Variants in CNTN5 observed in about 807,000 individuals in gnomAD.
CNTN5 encodes the protein contactin 5.
CNTN5 carries 77 observed loss-of-function variants against 129.1 expected under a neutral mutation model. The ratio of observed to expected loss-of-function variants is 0.60; its 90% CI spans 0.50 to 0.72. The LOEUF is 0.72. Among genes scored for constraint, CNTN5 ranks in the 30% least tolerant of loss-of-function variants. The pLI, the probability that CNTN5 is intolerant of heterozygous loss-of-function variation, is 0.00. For synonymous variants in CNTN5, 509 were observed against 465.6 expected, an observed-to-expected ratio of 1.09 and a Z score of -1.20; for missense variants, 1,478 against 1,328.8, an observed-to-expected ratio of 1.11 and a Z score of -1.75.
chr11:100,269,228 T>C (rs1950364159), intron 17 of CNTN5, among the ~76,000 whole-genome samples: 1 of 152,122 alleles, frequency 6.6e-6, no homozygotes, highest in South Asian at 2.1e-4. Flanking sequence ...GATCTGGCCT[T>C]AAGGTTTCAG....
chr11:99,890,134 A>C (rs1473626929), intron 6 of CNTN5, among the ~76,000 whole-genome samples: 1 of 152,194 alleles, frequency 6.6e-6, no homozygotes, highest in South Asian at 2.1e-4. Context: ...TATATTTGAC[A>C]TGAAGAATTG....
intron 3 of CNTN5, among the ~76,000 whole-genome samples, chr11:99,632,278 GTTCA>G (rs1488562472): frequency 6.6e-6 from 1 of 152,060 alleles, no homozygotes; most frequent in African/African-American, 2.4e-5. Context: ...TACTGTAAAT[GTTCA>G]TAGTAATTAT....
intron 2 of CNTN5, among the ~76,000 whole-genome samples, chr11:99,346,041 T>G (rs942539427): frequency 1.4e-4 from 21 of 152,204 alleles, no homozygotes; most frequent in African/African-American, 4.6e-4. Flanking sequence ...ACATAATACT[T>G]TTTAAAGCTT....
chr11:99,731,082 A>G (rs1943515732), intron 3 of CNTN5, among the ~76,000 whole-genome samples: 2 of 152,088 alleles, frequency 1.3e-5, no homozygotes, highest in South Asian at 2.1e-4. Context: ...GGGGACAAGC[A>G]GCTATATAAC....
At position 99,082,426 on chromosome 11, in the gene CNTN5, G is replaced by A. The variant is rs575667911; in HGVS notation, c.-210+61156G>A. On this transcript the variant is annotated intron_variant, in intron 1 of 24. Transcript: ENST00000524871. ...TCTCGATCTCTTGACCTCGTGATCC[G>A]CCCGCCTCGGCCCTCCAAAGTGCTG... Among the ~76,000 whole-genome samples the A allele has an allele frequency of 7.2e-5, 11 of 152,084 alleles. No homozygotes were observed. The East Asian group carries it at 7.8e-4, about 11-fold the overall frequency.
chr11:99,313,534 T>C (rs1357115531), intron 1 of CNTN5, among the ~76,000 whole-genome samples: 2 of 152,016 alleles, frequency 1.3e-5, no homozygotes, highest in Non-Finnish European at 2.9e-5. Context: ...GAAAATTATT[T>C]ACTTATGGTT....
At chr11:99,859,720 T>A (rs1222085454) in intron 6 of CNTN5, among the ~76,000 whole-genome samples, 1 of 152,220 alleles carries the variant, frequency 6.6e-6, no homozygotes, top group Admixed American at 6.5e-5. Flanking sequence ...ATAGTATATG[T>A]GTACCATATT....
chr11:100,108,943 C>T (rs946242173), intron 13 of CNTN5, among the ~76,000 whole-genome samples: 7 of 151,926 alleles, frequency 4.6e-5, no homozygotes, highest in African/African-American at 1.5e-4. Flanking sequence ...AGAGCTGGCT[C>T]TAGAAAAAAT....
At chr11:100,005,374 A>G (rs948057940) in intron 9 of CNTN5, among the ~76,000 whole-genome samples, 8 of 151,946 alleles carry the variant, frequency 5.3e-5, no homozygotes, top group African/African-American at 1.9e-4. Flanking sequence ...ACCTTTTCCT[A>G]CCTATTCTTG....
chr11:100,001,640 T>A (rs963203763), intron 8 of CNTN5, among the ~76,000 whole-genome samples: 3 of 152,234 alleles, frequency 2.0e-5, no homozygotes, highest in Non-Finnish European at 4.4e-5. Flanking sequence ...ATGCCGTGCA[T>A]ATTATAGATA....
At chr11:100,265,518 C>G (rs943394060) in intron 17 of CNTN5, among the ~76,000 whole-genome samples, 28 of 151,984 alleles carry the variant, frequency 1.8e-4, no homozygotes, top group African/African-American at 6.8e-4. Context: ...TAATTTCAAT[C>G]AAAATTAACT....
chr11:99,860,849 T>C (rs1344113489), intron 6 of CNTN5, among the ~76,000 whole-genome samples: 1 of 152,012 alleles, frequency 6.6e-6, no homozygotes, highest in African/African-American at 2.4e-5. Flanking sequence ...ATGATACCAA[T>C]AGTTTGATAG....
chr11:99,352,843 C>T (rs139039063), intron 2 of CNTN5, among the ~76,000 whole-genome samples: 4 of 152,284 alleles, frequency 2.6e-5, no homozygotes, highest in African/African-American at 9.6e-5. Context: ...CACTTGTCAA[C>T]ATCACTTCTA....
chr11:99,198,561 A>C (rs184965901), intron 1 of CNTN5, among the ~76,000 whole-genome samples: 14 of 152,302 alleles, frequency 9.2e-5, no homozygotes, highest in African/African-American at 3.1e-4. Flanking sequence ...TGAAAAAGTC[A>C]TAACTGTTTA....
chr11:99,657,112 T>G (rs181466475), intron 3 of CNTN5, among the ~76,000 whole-genome samples: 138 of 151,484 alleles, frequency 9.1e-4, no homozygotes, highest in Admixed American at 1.6e-3. Context: ...ACAGATAGCT[T>G]AATGAAAAAA....
At chr11:100,127,768 C>T (rs1946242572) in intron 13 of CNTN5, among the ~76,000 whole-genome samples, 1 of 148,016 alleles carries the variant, frequency 6.8e-6, no homozygotes, top group Non-Finnish European at 1.5e-5. Context: ...AAGCGATTCT[C>T]CTGCCTCAGC....
intron 3 of CNTN5, among the ~76,000 whole-genome samples, chr11:99,634,323 T>C (rs1565371597): frequency 6.6e-6 from 1 of 152,040 alleles, no homozygotes; most frequent in Non-Finnish European, 1.5e-5. Flanking sequence ...TTTAAGGAAA[T>C]ACAGTGTTCA....
intron 1 of CNTN5, among the ~76,000 whole-genome samples, chr11:99,090,740 C>G (rs1350760797): frequency 7.9e-6 from 1 of 126,322 alleles, no homozygotes; most frequent in Non-Finnish European, 1.7e-5. Flanking sequence ...AAAAAAAAAA[C>G]GGCCGGGCGC....
chr11:99,162,432 A>T (rs1474854369), intron 1 of CNTN5, among the ~76,000 whole-genome samples: 2 of 152,220 alleles, frequency 1.3e-5, no homozygotes, highest in African/African-American at 2.4e-5. Context: ...GAAATTAAGC[A>T]TGTCACTGAC....
Sources: allele counts gnomAD v4.1 joint callset (sites outside exome capture counted in the v4.1 genomes callset), GRCh38; gene constraint gnomAD v4.1.1; transcripts MANE v1.5; gene names NCBI Gene and HGNC (gene_info 2026-07-23, HGNC 2026-07-21).